CSGALNACT2: variants seen among roughly 807,000 people sequenced by gnomAD.
CSGALNACT2 encodes beta 4 GalNAcT-2.
Under a neutral mutation model 55.3 loss-of-function variants are expected in CSGALNACT2, and 35 were observed. The ratio of observed to expected loss-of-function variants is 0.63; its 90% CI spans 0.48 to 0.84. The LOEUF (loss-of-function observed/expected upper bound fraction) is 0.84. Ranked by LOEUF, CSGALNACT2 falls within the 40% of genes least tolerant of loss-of-function variation. The pLI is 0.00. For synonymous variants in CSGALNACT2, 196 were observed against 224.9 expected (o/e 0.87, Z 1.15); for missense variants, 544 against 657.5 (o/e 0.83, Z 1.89).
At chr10:43,168,673 GACACACACACACACACACACAC>G (rs55776451) in intron 6 of CSGALNACT2, among the ~76,000 whole-genome samples, 1 of 147,906 alleles carries the variant, frequency 6.8e-6, no homozygotes, top group African/African-American at 2.5e-5. Flanking sequence ...AGTACACACA[GACACACACACACACACACACAC>G]ACACACACAC....
chr10:43,165,081 CGGTCGTGGT>C (rs1404305543), intron 5 of CSGALNACT2, among the ~76,000 whole-genome samples: 3 of 151,836 alleles, frequency 2.0e-5, no homozygotes, highest in African/African-American at 7.3e-5. Flanking sequence ...AAAAATTATC[CGGTCGTGGT>C]GGTGGGTGCC....
chr10:43,157,953 C>T (rs1349572115), intron 2 of CSGALNACT2, among the ~76,000 whole-genome samples: 3 of 150,588 alleles, frequency 2.0e-5, no homozygotes, highest in Admixed American at 6.7e-5. Flanking sequence ...TGCTTGAACC[C>T]GGGAGATGGA....
chr10:43,159,019 A>G (rs996348393), intron 3 of CSGALNACT2, 88 bp downstream of exon 3: 122 of 728,680 alleles, frequency 1.7e-4, no homozygotes, highest in Non-Finnish European at 1.9e-4. Context: ...TTCACCGATT[A>G]TAATTACTTA....
chr10:43,162,922 A>T (rs1203833624), intron 4 of CSGALNACT2: 5 of 985,300 alleles, frequency 5.1e-6, no homozygotes, highest in Middle Eastern at 5.2e-4. Flanking sequence ...CCTTTAGGAT[A>T]CTGACCAATT....
At chr10:43,175,911 T>C (rs202069979) in intron 6 of CSGALNACT2, 40 bp from the exon 7 acceptor site, 8 of 1,509,046 alleles carry the variant, frequency 5.3e-6, no homozygotes, top group Non-Finnish European at 7.2e-6. Context: ...CTGCTTCTTA[T>C]GGAATTAAAT....
chr10:43,157,312 T>G (rs7893332), intron 2 of CSGALNACT2, among the ~76,000 whole-genome samples: 26,415 of 152,140 alleles, frequency 0.17, 2,524 homozygotes, highest in Admixed American at 0.25. Flanking sequence ...GTCTTATAAC[T>G]CTCCTTGGAT....
intron 5 of CSGALNACT2, among the ~76,000 whole-genome samples, chr10:43,164,599 A>C (rs1839220001): frequency 1.3e-5 from 2 of 152,242 alleles, no homozygotes; most frequent in African/African-American, 4.8e-5. Flanking sequence ...CTATAATCTC[A>C]GTACTTCGGG....
chr10:43,160,693 T>C, intron 4 of CSGALNACT2, 98 bp downstream of exon 4: 1 of 681,720 alleles, frequency 1.5e-6, no homozygotes, highest in Admixed American at 2.6e-5. Context: ...GTAACTATTA[T>C]TTAAAAATTG....
At chr10:43,152,463 T>C (rs998042889) in intron 1 of CSGALNACT2, among the ~76,000 whole-genome samples, 1 of 152,210 alleles carries the variant, frequency 6.6e-6, no homozygotes, top group African/African-American at 2.4e-5. Context: ...TTTCATTTTA[T>C]TGGAAAATAT....
chr10:43,168,783 A>C (rs1356516899), intron 6 of CSGALNACT2, among the ~76,000 whole-genome samples: 2 of 152,146 alleles, frequency 1.3e-5, no homozygotes, highest in African/African-American at 4.8e-5. Flanking sequence ...CTGAGCACCC[A>C]CGTCTGCCAT....
At chr10:43,165,224 C>CA (rs1004483353) in intron 5 of CSGALNACT2, among the ~76,000 whole-genome samples, 28 of 139,256 alleles carry the variant, frequency 2.0e-4, no homozygotes, top group Non-Finnish European at 2.5e-4. Flanking sequence ...CATTCTGTCT[C>CA]AAAAAAAAAA....
intron 5 of CSGALNACT2, 85 bp from the exon 6 acceptor site, chr10:43,166,919 T>G (rs1023353512): frequency 2.8e-6 from 2 of 719,254 alleles, no homozygotes; most frequent in Admixed American, 2.8e-5. Flanking sequence ...ATAATAAGAC[T>G]TTGATAAAAC....
intron 5 of CSGALNACT2, 65 bp from the exon 6 acceptor site, chr10:43,166,938 TA>T: frequency 1.1e-6 from 1 of 872,882 alleles, no homozygotes; most frequent in South Asian, 1.5e-5. Flanking sequence ...ACTTAATAGA[TA>T]TTGCAATAAA....
At chr10:43,156,403 C>A (rs1035562550) in intron 2 of CSGALNACT2, among the ~76,000 whole-genome samples, 2 of 152,186 alleles carry the variant, frequency 1.3e-5, no homozygotes, top group Admixed American at 1.3e-4. Context: ...TTGAAGAACA[C>A]TGCTATAAAA....
At chr10:43,138,816 C>G (rs182112701) in intron 1 of CSGALNACT2, among the ~76,000 whole-genome samples, 1 of 152,314 alleles carries the variant, frequency 6.6e-6, no homozygotes, top group East Asian at 1.9e-4. Flanking sequence ...TTTGTTTTTA[C>G]CTATTCATCA....
chr10:43,163,573 T>G, intron 4 of CSGALNACT2: 1 of 985,364 alleles, frequency 1.0e-6, no homozygotes, highest in African/African-American at 1.7e-5. Flanking sequence ...ATTTTTCCAT[T>G]TGTGTATTTT....
chr10:43,142,385 G>A (rs1422303311), intron 1 of CSGALNACT2, among the ~76,000 whole-genome samples: 1 of 151,932 alleles, frequency 6.6e-6, no homozygotes, highest in Non-Finnish European at 1.5e-5. Context: ...CTAATTTTTA[G>A]TAGAGACGGG....
At chr10:43,150,319 A>G (rs1167245384) in intron 1 of CSGALNACT2, among the ~76,000 whole-genome samples, 4 of 152,194 alleles carry the variant, frequency 2.6e-5, no homozygotes, top group African/African-American at 9.7e-5. Flanking sequence ...TTAGTTACCA[A>G]TGTCGTTAAC....
At chr10:43,182,723 A>G (rs1038658708) in intron 7 of CSGALNACT2, among the ~76,000 whole-genome samples, 1 of 151,834 alleles carries the variant, frequency 6.6e-6, no homozygotes, top group African/African-American at 2.4e-5. Flanking sequence ...ACCAAAAAAA[A>G]AAAAAAAGCT....
Sources: gnomAD v4.1 joint callset for allele counts (sites outside exome capture counted in the v4.1 genomes callset) on GRCh38, gnomAD v4.1.1 for gene constraint, MANE v1.5 for transcripts, NCBI Gene and HGNC (gene_info 2026-07-23, HGNC 2026-07-21) for gene names.